The following ACTR3C variants were observed in gnomAD, a reference collection of about 807,000 sequenced individuals.
ACTR3C encodes actin-related protein 3C.
A neutral mutation model predicts 26.3 loss-of-function variants in ACTR3C; 18 were observed. That is an observed-to-expected ratio of 0.68 (90% CI 0.47 to 1.01). The LOEUF is 1.01. Ranked by LOEUF, ACTR3C falls within the 50% of genes least tolerant of loss-of-function variation. The pLI, the probability that ACTR3C is intolerant of heterozygous loss-of-function variation, is 0.00. For missense variants in ACTR3C, 184 were observed against 250.7 expected (o/e 0.73, Z 1.80); for synonymous variants, 55 against 94.5 (o/e 0.58, Z 2.42).
chr7:149,983,553 G>T, the ACTR3C span, among the ~76,000 whole-genome samples: 1 of 149,976 alleles, frequency 6.7e-6, no homozygotes, highest in South Asian at 2.1e-4. Context: ...AGCCACTTTG[G>T]AATAGAGTAT....
At chr7:149,904,860 TACTAAA>T in the ACTR3C span, among the ~76,000 whole-genome samples, 1 of 150,528 alleles carries the variant, frequency 6.6e-6, no homozygotes, top group East Asian at 2.0e-4. Flanking sequence ...TGGATGTCTC[TACTAAA>T]AATACAAAAA....
chr7:150,195,352 T>A, the ACTR3C span, among the ~76,000 whole-genome samples: 14 of 152,230 alleles, frequency 9.2e-5, no homozygotes, highest in East Asian at 7.7e-4. Flanking sequence ...TTAAATATTC[T>A]TTGTTTCATT....
chr7:150,022,729 T>C, the ACTR3C span, among the ~76,000 whole-genome samples: 1 of 152,176 alleles, frequency 6.6e-6, no homozygotes, highest in Non-Finnish European at 1.5e-5. Flanking sequence ...AATGAATTTA[T>C]ATTGGAAAGT....
intron 6 of ACTR3C, among the ~76,000 whole-genome samples, chr7:150,282,593 C>T (rs1464028831): frequency 4.2e-5 from 6 of 144,054 alleles, no homozygotes; most frequent in African/African-American, 8.5e-5. Flanking sequence ...AAAACCAAGA[C>T]GGCTGAGGGA....
chr7:150,041,201 G>GT, the ACTR3C span, among the ~76,000 whole-genome samples: 1 of 137,872 alleles, frequency 7.3e-6, no homozygotes, highest in Non-Finnish European at 1.6e-5. Context: ...AAAGTTCCGG[G>GT]TCCCCGACCC....
chr7:150,199,085 G>GCC, the ACTR3C span, among the ~76,000 whole-genome samples: 494 of 146,494 alleles, frequency 3.4e-3, 27 homozygotes, highest in African/African-American at 0.012. Context: ...CTGCCCGGCC[G>GCC]CCCCCCCGTC....
At chr7:150,205,972 T>C in the ACTR3C span, among the ~76,000 whole-genome samples, 30 of 152,354 alleles carry the variant, frequency 2.0e-4, no homozygotes, top group Non-Finnish European at 4.1e-4. Context: ...TAATGGTTTT[T>C]CTTCATTTTC....
At chr7:150,223,289 G>T in the ACTR3C span, among the ~76,000 whole-genome samples, 2 of 152,104 alleles carry the variant, frequency 1.3e-5, no homozygotes, top group Non-Finnish European at 2.9e-5. Flanking sequence ...TTGTATGGAT[G>T]TACCATTATT....
chr7:149,944,543 C>G, the ACTR3C span, among the ~76,000 whole-genome samples: 1 of 150,266 alleles, frequency 6.7e-6, no homozygotes, highest in Non-Finnish European at 1.5e-5. Flanking sequence ...AGCACCTGTT[C>G]TCTCCATCCT....
the ACTR3C span, among the ~76,000 whole-genome samples, chr7:149,923,411 A>AAT: frequency 4.1e-4 from 63 of 152,102 alleles, no homozygotes; most frequent in South Asian, 0.011. Flanking sequence ...AGGATGGACA[A>AAT]ATATATATAT....
chr7:150,088,135 C>G, the ACTR3C span, among the ~76,000 whole-genome samples: 1 of 152,292 alleles, frequency 6.6e-6, no homozygotes, highest in East Asian at 1.9e-4. Context: ...TATGAATTGT[C>G]TTTTCATTTC....
chr7:150,282,459 C>T (rs959325049), intron 6 of ACTR3C, among the ~76,000 whole-genome samples: 2 of 149,600 alleles, frequency 1.3e-5, no homozygotes, highest in Non-Finnish European at 3.0e-5. Context: ...GTATAGAGTT[C>T]AGCTATGTGA....
chr7:150,154,469 C>T, the ACTR3C span, among the ~76,000 whole-genome samples: 1 of 151,620 alleles, frequency 6.6e-6, no homozygotes, highest in Non-Finnish European at 1.5e-5. Flanking sequence ...TCACAGAAAC[C>T]AAGGCATTTC....
At chr7:150,047,973 A>AGCAAG in the ACTR3C span, 5 of 1,210,282 alleles carry the variant, frequency 4.1e-6, no homozygotes, top group Admixed American at 9.2e-5. Flanking sequence ...CAGCAGCAGC[A>AGCAAG]GCAAGGCAAG....
chr7:150,279,069 G>A (rs902784552), intron 6 of ACTR3C, among the ~76,000 whole-genome samples: 1 of 152,212 alleles, frequency 6.6e-6, no homozygotes, highest in African/African-American at 2.4e-5. Flanking sequence ...CTTTGGGGCT[G>A]AGGCAGGATG....
the ACTR3C span, among the ~76,000 whole-genome samples, chr7:149,982,680 G>A: frequency 6.6e-6 from 1 of 152,024 alleles, no homozygotes; most frequent in Admixed American, 6.6e-5. Context: ...GTCCAGGGCT[G>A]TGCTAAATGA....
the ACTR3C span, among the ~76,000 whole-genome samples, chr7:150,123,613 A>AC: frequency 0.11 from 8,806 of 78,586 alleles, 770 homozygotes; most frequent in African/African-American, 0.31. Context: ...ACACACACAC[A>AC]AACACACACC....
chr7:150,037,589 A>T, the ACTR3C span, among the ~76,000 whole-genome samples: 87 of 56,976 alleles, frequency 1.5e-3, 7 homozygotes, highest in Admixed American at 3.3e-3. Flanking sequence ...GGGAAGAGGG[A>T]CTGGCTCTCA....
the ACTR3C span, among the ~76,000 whole-genome samples, chr7:150,054,632 A>G: frequency 6.6e-6 from 1 of 152,238 alleles, no homozygotes; most frequent in African/African-American, 2.4e-5. Context: ...CAGCTGAATC[A>G]CAGTTAACCA....
Sources: allele counts gnomAD v4.1 joint callset (sites outside exome capture counted in the v4.1 genomes callset), GRCh38; gene constraint gnomAD v4.1.1; transcripts MANE v1.5; gene names NCBI Gene and HGNC (gene_info 2026-07-23, HGNC 2026-07-21).